The following PPFIA2 variants were observed in gnomAD, a reference collection of about 807,000 sequenced individuals.
PPFIA2 encodes liprin-alpha-2.
Under a neutral mutation model 175.5 loss-of-function variants are expected in PPFIA2, and 46 were observed. That is an observed-to-expected ratio of 0.26 (90% confidence interval 0.21 to 0.34). The LOEUF is 0.34. Ranked by LOEUF, PPFIA2 falls within the 10% of genes least tolerant of loss-of-function variation. The pLI, the probability that PPFIA2 is intolerant of heterozygous loss-of-function variation, is 1.00. For missense variants in PPFIA2, 1,179 were observed against 1,506.1 expected (o/e 0.78, Z 3.60); for synonymous variants, 568 against 511.4 (o/e 1.11, Z -1.49).
At chr12:81,710,923 G>A (rs2077816525) in intron 3 of PPFIA2, among the ~76,000 whole-genome samples, 1 of 151,296 alleles carries the variant, frequency 6.6e-6, no homozygotes, top group African/African-American at 2.4e-5. Context: ...ACACTACTAA[G>A]GTTTTGCTAC....
At chr12:81,401,293 C>T (rs2042056171) in intron 8 of PPFIA2, among the ~76,000 whole-genome samples, 2 of 152,074 alleles carry the variant, frequency 1.3e-5, no homozygotes, top group Non-Finnish European at 1.5e-5. Flanking sequence ...TGCTTCTATA[C>T]AATATGCCTA....
intron 22 of PPFIA2, among the ~76,000 whole-genome samples, chr12:81,317,584 G>T (rs1011106991): frequency 4.6e-5 from 7 of 151,454 alleles, no homozygotes; most frequent in Non-Finnish European, 5.9e-5. Flanking sequence ...ATTAGGACAA[G>T]GAAGAGCAGA....
chr12:81,351,387 T>C (rs372281987), intron 17 of PPFIA2, among the ~76,000 whole-genome samples: 4,530 of 152,180 alleles, frequency 0.03, 212 homozygotes, highest in African/African-American at 0.1. Flanking sequence ...TGTTCGCACA[T>C]ATGTCCCCAA....
At chr12:81,736,638 G>A (rs2081611096) in intron 3 of PPFIA2, among the ~76,000 whole-genome samples, 2 of 151,808 alleles carry the variant, frequency 1.3e-5, no homozygotes, top group South Asian at 4.2e-4. Context: ...AATACTCAAA[G>A]GAATATATAA....
chr12:81,386,476 GC>G (rs1016537029), intron 8 of PPFIA2, among the ~76,000 whole-genome samples: 1 of 151,500 alleles, frequency 6.6e-6, no homozygotes, highest in Non-Finnish European at 1.5e-5. Context: ...AGGAAAATTA[GC>G]CAGGTGTTGT....
intron 4 of PPFIA2, among the ~76,000 whole-genome samples, chr12:81,642,105 A>C (rs1332765193): frequency 1.3e-5 from 2 of 152,134 alleles, no homozygotes; most frequent in South Asian, 4.1e-4. Context: ...ATATGTAGAT[A>C]TATACATGTA....
intron 7 of PPFIA2, chr12:81,424,983 G>T (rs1274983580): frequency 1.3e-5 from 2 of 152,278 alleles, no homozygotes; most frequent in East Asian, 1.9e-4. Flanking sequence ...TAAAAGGAGA[G>T]ATTAGAAGAA....
chr12:81,421,577 AC>A (rs1223077827), intron 7 of PPFIA2, among the ~76,000 whole-genome samples: 1 of 152,058 alleles, frequency 6.6e-6, no homozygotes, highest in Non-Finnish European at 1.5e-5. Flanking sequence ...GCAAATAACT[AC>A]AAAAAACCAT....
At chr12:81,555,163 A>C (rs370448751) in intron 4 of PPFIA2, among the ~76,000 whole-genome samples, 2 of 152,142 alleles carry the variant, frequency 1.3e-5, no homozygotes, top group East Asian at 3.9e-4. Flanking sequence ...TAAAAGCTCT[A>C]AGAAATCTGT....
chr12:81,744,042 T>C (rs1432762184), intron 3 of PPFIA2, among the ~76,000 whole-genome samples: 2 of 152,208 alleles, frequency 1.3e-5, no homozygotes, highest in Admixed American at 6.5e-5. Context: ...CTATAATTCT[T>C]TTGTATGTAA....
At chr12:81,589,008 A>C (rs1240509250) in intron 4 of PPFIA2, among the ~76,000 whole-genome samples, 1 of 152,148 alleles carries the variant, frequency 6.6e-6, no homozygotes. Flanking sequence ...AAAAGCATTT[A>C]TGTGATTTTA....
chr12:81,329,477 T>A (rs180774496), intron 21 of PPFIA2, among the ~76,000 whole-genome samples: 1 of 151,910 alleles, frequency 6.6e-6, no homozygotes, highest in South Asian at 2.1e-4. Flanking sequence ...AGTCAAGGAT[T>A]TTTTTTTGCC....
At chr12:81,371,664 T>C (rs1001068677) in intron 11 of PPFIA2, among the ~76,000 whole-genome samples, 1 of 151,810 alleles carries the variant, frequency 6.6e-6, no homozygotes, top group African/African-American at 2.4e-5. Context: ...TGATACATTT[T>C]ATTGGTACTA....
chr12:81,594,708 A>G (rs2059054903), intron 4 of PPFIA2, among the ~76,000 whole-genome samples: 1 of 152,082 alleles, frequency 6.6e-6, no homozygotes, highest in African/African-American at 2.4e-5. Flanking sequence ...TGAGCCCAGG[A>G]GTTCAAGACC....
At chr12:81,558,149 G>A (rs2153384227) in intron 4 of PPFIA2, among the ~76,000 whole-genome samples, 1 of 152,232 alleles carries the variant, frequency 6.6e-6, no homozygotes, top group Non-Finnish European at 1.5e-5. Context: ...GAATTCCCAG[G>A]TTGTGGCTCA....
chr12:81,713,842 C>T (rs2078254144), intron 3 of PPFIA2, among the ~76,000 whole-genome samples: 1 of 151,282 alleles, frequency 6.6e-6, no homozygotes, highest in African/African-American at 2.4e-5. Context: ...AAACTAAATC[C>T]TTGTTCTTAT....
intron 15 of PPFIA2, among the ~76,000 whole-genome samples, chr12:81,362,286 C>T (rs2031064983): frequency 6.6e-6 from 1 of 150,806 alleles, no homozygotes; most frequent in Non-Finnish European, 1.5e-5. Context: ...CATATTTCTG[C>T]ATGTTTCTAC....
At chr12:81,605,608 T>C (rs1026690134) in intron 4 of PPFIA2, among the ~76,000 whole-genome samples, 1 of 151,824 alleles carries the variant, frequency 6.6e-6, no homozygotes, top group African/African-American at 2.4e-5. Flanking sequence ...TAGTTAAGTA[T>C]GTAATATCAC....
chr12:81,316,405 T>C (rs1237447397), intron 22 of PPFIA2, among the ~76,000 whole-genome samples: 4 of 151,664 alleles, frequency 2.6e-5, no homozygotes, highest in African/African-American at 9.7e-5. Context: ...AATTTGATTT[T>C]TTTATTTAAA....
Sources: gnomAD v4.1 joint callset for allele counts (sites outside exome capture counted in the v4.1 genomes callset) on GRCh38, gnomAD v4.1.1 for gene constraint, MANE v1.5 for transcripts, NCBI Gene and HGNC (gene_info 2026-07-23, HGNC 2026-07-21) for gene names.